PRKCE: variants seen among roughly 807,000 people sequenced by gnomAD.
PRKCE encodes the protein protein kinase C epsilon, also known as protein kinase C epsilon type.
Under a neutral mutation model 85.4 loss-of-function variants are expected in PRKCE, and 16 were observed. The observed-to-expected ratio is 0.19, with a 90% confidence interval of 0.13 to 0.28. The LOEUF is 0.28. PRKCE is among the 10% of genes least tolerant of loss of function. The pLI is 1.00. For missense variants in PRKCE, 573 were observed against 975.2 expected, an observed-to-expected ratio of 0.59 and a Z score of 5.49; for synonymous variants, 388 against 371.5, an observed-to-expected ratio of 1.04 and a Z score of -0.51.
intron 11 of PRKCE, among the ~76,000 whole-genome samples, chr2:46,126,692 C>T (rs555748426): frequency 6.6e-6 from 1 of 152,144 alleles, no homozygotes; most frequent in East Asian, 1.9e-4. Flanking sequence ...CCCCATAGGA[C>T]CTAACACAGA....
chr2:45,804,629 G>C (rs1021836414), intron 1 of PRKCE, among the ~76,000 whole-genome samples: 1 of 152,212 alleles, frequency 6.6e-6, no homozygotes, highest in African/African-American at 2.4e-5. Flanking sequence ...CCAGCTCCTT[G>C]TAGAGGCTGA....
rs536384477 is a variant in PRKCE at position 45,886,991 on chromosome 2, G to C, written c.412+43928G>C. On this transcript the variant is annotated intron_variant, in intron 2 of 14. Transcript: ENST00000306156. ...GTCACTAGCCTCACGTGGCAGAACG[G>C]GGTCAGAAGCTCAGAGTTTAAGTAA... 2.6e-5 allele frequency among the ~76,000 whole-genome samples: 4 copies of C among 152,308 alleles called. No individual in the cohort carries two copies. In the East Asian group the frequency reaches 5.8e-4, roughly 22 times the overall value.
intron 11 of PRKCE, among the ~76,000 whole-genome samples, chr2:46,137,190 A>C (rs1021941691): frequency 5.9e-5 from 9 of 152,178 alleles, no homozygotes; most frequent in Non-Finnish European, 1.0e-4. Flanking sequence ...TCTTAAAGAT[A>C]TGTTGGACCA....
In PRKCE at chr2:45,652,558, T is replaced by C. The variant is rs1324389836; in HGVS notation, c.348+110T>C. ...GGGACTTATTGACGACTGGGGTGTG[T>C]GTGCCTGTAAGTCTCAGTTTCCTTG... On this transcript the variant is annotated intron_variant, in intron 1 of 14. Transcript: ENST00000306156. The surrounding 1 kb of genome is among the most constrained non-coding windows in gnomAD (Gnocchi z 7.7). 1 of 1,064,416 alleles carries C rather than the reference T, an allele frequency of 9.4e-7. No individual in the cohort carries two copies. The highest frequency in any genetic ancestry group is 1.3e-6 in the Non-Finnish European group (1 of 758,254). The allele number at this position is 1,064,416 out of a possible 1,614,324, so 65.9% of individuals were successfully genotyped here. A position where few individuals can be genotyped will look rare whatever the true frequency, so the allele number is the denominator to read the frequency against.
chr2:45,909,415 C>G (rs1697219029), intron 2 of PRKCE, among the ~76,000 whole-genome samples: 1 of 152,108 alleles, frequency 6.6e-6, no homozygotes. Context: ...ATAATCTCCC[C>G]CATCCCAAAC....
intron 10 of PRKCE, among the ~76,000 whole-genome samples, chr2:46,025,452 G>C (rs1004582850): frequency 1.3e-5 from 2 of 152,186 alleles, no homozygotes; most frequent in African/African-American, 4.8e-5. Flanking sequence ...AGAACTGCTG[G>C]TCCACCTAGG....
rs186330235 is a variant in PRKCE at position 45,699,030 on chromosome 2, T to C, written c.348+46582T>C. 5.4e-3 allele frequency among the ~76,000 whole-genome samples: 827 copies of C among 152,324 alleles called. 4 individuals are homozygous for C. Among genetic ancestry groups the C allele is most frequent in the Non-Finnish European group, 8.6e-3 (583 of 68,030 alleles). On this transcript the variant is annotated intron_variant, in intron 1 of 14. Coordinates refer to ENST00000306156, the MANE Select transcript of PRKCE (RefSeq NM_005400.3). The stretch of plus-strand genomic sequence containing the variant: ...AAACTAGCCCCTAGTTTTTATTTTT[T>C]CTAGCTTCGTCTATTTCTATTTTTA...
rs540290658 is a variant in PRKCE at position 45,919,536 on chromosome 2, T to C, written c.413-56893T>C. Among the ~76,000 whole-genome samples, 436 of 152,336 alleles carry C rather than the reference T, an allele frequency of 2.9e-3. 2 individuals carry two copies. Among genetic ancestry groups the C allele is most frequent in the Non-Finnish European group, 4.2e-3 (284 of 68,018 alleles). On this transcript the variant is annotated intron_variant, in intron 2 of 14. Coordinates refer to ENST00000306156, the MANE Select transcript of PRKCE (RefSeq NM_005400.3). ...CCTGCACCCCTCTTCCAGTGTGAACTGGCCTCCAAGGGAGGGCCACGGCAC... is the reference window on the plus strand; with the variant it reads ...CCTGCACCCCTCTTCCAGTGTGAACCGGCCTCCAAGGGAGGGCCACGGCAC...
In PRKCE at chr2:46,076,461, A is replaced by G. The variant is rs77962170; in HGVS notation, c.1438-9747A>G. ...TAATTTGAGGTCATTCCCTGGGATA[A>G]GCAACTCTAATTAGAGGCAGGAAAT... On this transcript the variant is annotated intron_variant, in intron 10 of 14. Coordinates refer to ENST00000306156, the MANE Select transcript of PRKCE (RefSeq NM_005400.3). Among the ~76,000 whole-genome samples the G allele has an allele frequency of 6.0e-3, 915 of 152,300 alleles. 13 individuals are homozygous for G. The highest frequency in any genetic ancestry group is 0.021 in the African/African-American group (893 of 41,566).
At chr2:45,763,199 C>T (rs548377031) in intron 1 of PRKCE, among the ~76,000 whole-genome samples, 1 of 152,230 alleles carries the variant, frequency 6.6e-6, no homozygotes, top group South Asian at 2.1e-4. Flanking sequence ...CGTGATCCTC[C>T]CACCTCGGCC....
At chr2:45,809,731 T>A (rs1377705933) in intron 1 of PRKCE, among the ~76,000 whole-genome samples, 1 of 147,980 alleles carries the variant, frequency 6.8e-6, no homozygotes, top group Non-Finnish European at 1.5e-5. Context: ...AAAAAAAAAA[T>A]TAGCCAGGCG....
chr2:46,015,602 C>G lies in PRKCE; in HGVS notation c.1437+5085C>G, dbSNP rs149830089. Among the ~76,000 whole-genome samples, 419 of 145,000 alleles carry G rather than the reference C, an allele frequency of 2.9e-3. 2 individuals are homozygous for G. Among genetic ancestry groups the G allele is most frequent in the African/African-American group, 0.01 (406 of 38,928 alleles). ...TGCGTTTGAATCATCTGTGTGAGCA[C>G]GGGGAGAAGTGAGAAAAGGAGTGTT... On this transcript the variant is annotated intron_variant, in intron 10 of 14. Transcript: ENST00000306156.
At chr2:45,654,789 G>T (rs1675302675) in intron 1 of PRKCE, among the ~76,000 whole-genome samples, 1 of 152,184 alleles carries the variant, frequency 6.6e-6, no homozygotes, top group South Asian at 2.1e-4. Flanking sequence ...AGCCACTCTG[G>T]TTCCTCCAGG....
chr2:45,760,755 C>T lies in PRKCE; in HGVS notation c.349-82245C>T, dbSNP rs192031726. ...TCGTTGGCCTTGGTGAGATTATACC[C>T]GGTGAAAGGATGTGGGTGCCCTCCT... is the stretch of plus-strand genomic sequence containing the variant. On this transcript the variant is annotated intron_variant, in intron 1 of 14. Transcript: ENST00000306156. 7.9e-4 allele frequency among the ~76,000 whole-genome samples: 120 copies of T among 152,250 alleles called. No individual in the cohort carries two copies. The South Asian group carries it at 8.9e-3, about 11-fold the overall frequency.
At chr2:45,952,085 G>A (rs1320730389) in intron 2 of PRKCE, among the ~76,000 whole-genome samples, 4 of 152,136 alleles carry the variant, frequency 2.6e-5, no homozygotes, top group Non-Finnish European at 4.4e-5. Context: ...TACCCGCCTC[G>A]GCCTCCCAAA....
intron 1 of PRKCE, among the ~76,000 whole-genome samples, chr2:45,775,495 A>G (rs1246219416): frequency 6.6e-6 from 1 of 152,222 alleles, no homozygotes; most frequent in Non-Finnish European, 1.5e-5. Flanking sequence ...ACATTTCCAT[A>G]GAGTTGTTTT....
intron 6 of PRKCE, among the ~76,000 whole-genome samples, chr2:45,995,250 T>C (rs1704121816): frequency 6.6e-6 from 1 of 152,164 alleles, no homozygotes; most frequent in Admixed American, 6.5e-5. Context: ...TTTTATTCTA[T>C]TGGCAGTGTG....
chr2:45,722,241 T>G, intron 1 of PRKCE, among the ~76,000 whole-genome samples: 1 of 152,166 alleles, frequency 6.6e-6, no homozygotes, highest in East Asian at 1.9e-4. Context: ...TTTAATTTAG[T>G]TTTTATTATT....
intron 2 of PRKCE, among the ~76,000 whole-genome samples, chr2:45,966,065 T>C (rs1701708313): frequency 6.6e-6 from 1 of 152,208 alleles, no homozygotes; most frequent in African/African-American, 2.4e-5. Context: ...CTAGGCTATT[T>C]TGCCATCCTT....
Sources: allele counts gnomAD v4.1 joint callset (sites outside exome capture counted in the v4.1 genomes callset), GRCh38; gene constraint gnomAD v4.1.1; non-coding constraint Gnocchi (gnomAD v3.1); transcripts MANE v1.5; gene names NCBI Gene and HGNC (gene_info 2026-07-23, HGNC 2026-07-21).